Variants in SLC8A1 observed in about 807,000 individuals in gnomAD.
SLC8A1 encodes the protein sodium/calcium exchanger 1.
Under a neutral mutation model 68.3 loss-of-function variants are expected in SLC8A1, and 18 were observed. The observed-to-expected ratio is 0.26, with a 90% CI of 0.18 to 0.39. SLC8A1 has a LOEUF of 0.39. Among genes scored for constraint, SLC8A1 ranks in the 10% least tolerant of loss-of-function variants. The pLI is 1.00. For missense variants in SLC8A1, 985 were observed against 1,156.7 expected (o/e 0.85, Z 2.15); for synonymous variants, 475 against 415.5 (o/e 1.14, Z -1.74).
chr2:40,118,737 T>C (rs1385158664), intron 7 of SLC8A1, among the ~76,000 whole-genome samples: 5 of 150,754 alleles, frequency 3.3e-5, no homozygotes, highest in Non-Finnish European at 7.4e-5. Context: ...TGAGATGTTA[T>C]TCTAAGCTGA....
chr2:40,411,200 A>T (rs1021334808), intron 2 of SLC8A1, among the ~76,000 whole-genome samples: 1 of 152,098 alleles, frequency 6.6e-6, no homozygotes. Context: ...TTGAACACTA[A>T]TAGTTACTAT....
rs1687194303 is a variant in SLC8A1 at position 40,396,992 on chromosome 2, GA to G, written c.1808+31480del. ...TAAATCTGCAATTTCCATGGCCCTG[GA>G]AAAGTAATGTCTAAATATTGCTTAA... On this transcript the variant is annotated intron_variant, in intron 2 of 7. Transcript: ENST00000406785. 3.3e-5 allele frequency among the ~76,000 whole-genome samples: 5 copies of G among 152,090 alleles called. No individual in the cohort carries two copies. The South Asian group carries it at 1.0e-3, about 32-fold the overall frequency.
Position 40,270,508 on chromosome 2 carries a change from T to A in SLC8A1, c.1809-92653A>T, listed in dbSNP as rs141757724. Among the ~76,000 whole-genome samples, 20 of 152,328 alleles carry A rather than the reference T, an allele frequency of 1.3e-4. 2 individuals are homozygous for A. In the East Asian group the frequency reaches 3.9e-3, roughly 29 times the overall value. On this transcript the variant is annotated intron_variant, in intron 2 of 7. Coordinates refer to ENST00000406785, the Ensembl canonical transcript of SLC8A1. ...ACAGATCACCTGCATTCCCTGGCCT[T>A]TGGCCCTTTCCTCTATCTTCACAGT...
At chr2:40,293,844 C>CAA (rs139640404) in intron 2 of SLC8A1, among the ~76,000 whole-genome samples, 1 of 151,438 alleles carries the variant, frequency 6.6e-6, no homozygotes, top group African/African-American at 2.4e-5. Context: ...TCATAAAAAA[C>CAA]AAAAAAAATC....
At chr2:40,165,866 C>T (rs922851424) in intron 4 of SLC8A1, among the ~76,000 whole-genome samples, 38 of 152,146 alleles carry the variant, frequency 2.5e-4, no homozygotes, top group Non-Finnish European at 4.4e-4. Context: ...AAAGGCCATG[C>T]ATATAAGAAG....
intron 2 of SLC8A1, among the ~76,000 whole-genome samples, chr2:40,409,899 G>A (rs1329217919): frequency 6.6e-6 from 1 of 152,022 alleles, no homozygotes; most frequent in South Asian, 2.1e-4. Flanking sequence ...CTTATCAGTG[G>A]TGCTACTGCA....
chr2:40,435,441 C>T (rs1434379049), intron 1 of SLC8A1, among the ~76,000 whole-genome samples: 2 of 152,088 alleles, frequency 1.3e-5, no homozygotes, highest in Non-Finnish European at 2.9e-5. Context: ...ACACAGAGAC[C>T]CTCTACTAAT....
At chr2:40,170,996 C>T (rs1229670999) in intron 4 of SLC8A1, among the ~76,000 whole-genome samples, 1 of 152,102 alleles carries the variant, frequency 6.6e-6, no homozygotes, top group Non-Finnish European at 1.5e-5. Flanking sequence ...TAACCTAGGC[C>T]TAGGGGGTTC....
chr2:40,219,516 G>A (rs1298246183), intron 2 of SLC8A1, among the ~76,000 whole-genome samples: 1 of 152,064 alleles, frequency 6.6e-6, no homozygotes. Context: ...AGAATTTCAG[G>A]GCAAGAGAAA....
At chr2:40,109,963 A>C (rs1340947824) in exon 8 of SLC8A1, 1 of 152,210 alleles carries the variant, frequency 6.6e-6, no homozygotes, top group African/African-American at 2.4e-5. Context: ...CCTAAAAGTA[A>C]AACAAAATAA....
At chr2:40,222,139 CA>C (rs1280524034) in intron 2 of SLC8A1, among the ~76,000 whole-genome samples, 3 of 152,108 alleles carry the variant, frequency 2.0e-5, no homozygotes, top group South Asian at 2.1e-4. Context: ...GCTACAGTAA[CA>C]AAAACAGCAT....
At chr2:40,097,992 T>A (rs979343699) in exon 8 of SLC8A1, 1 of 85,832 alleles carries the variant, frequency 1.2e-5, no homozygotes, top group Non-Finnish European at 2.1e-5. Context: ...AAATATTATG[T>A]TTTTTTTTAA....
intron 7 of SLC8A1, among the ~76,000 whole-genome samples, chr2:40,134,828 A>G (rs2040173836): frequency 6.6e-6 from 1 of 152,232 alleles, no homozygotes; most frequent in Admixed American, 6.5e-5. Context: ...GCACCATTCT[A>G]GGCACTAGAT....
At chr2:40,385,700 T>A (rs1293543541) in intron 2 of SLC8A1, among the ~76,000 whole-genome samples, 3 of 151,366 alleles carry the variant, frequency 2.0e-5, no homozygotes, top group Non-Finnish European at 4.4e-5. Flanking sequence ...TTTGCTAAAG[T>A]GTACTAAAAA....
chr2:40,101,286 T>C (rs569383834), exon 8 of SLC8A1: 1 of 152,168 alleles, frequency 6.6e-6, no homozygotes, highest in African/African-American at 2.4e-5. Flanking sequence ...ATTCTAAAAC[T>C]AAAACTCACT....
intron 2 of SLC8A1, among the ~76,000 whole-genome samples, chr2:40,272,205 T>C (rs950675637): frequency 3.9e-5 from 6 of 152,164 alleles, no homozygotes; most frequent in Non-Finnish European, 8.8e-5. Context: ...ATCTCATGTC[T>C]CTCCTTTGTT....
intron 2 of SLC8A1, among the ~76,000 whole-genome samples, chr2:40,280,296 G>C (rs1187218229): frequency 1.6e-5 from 2 of 122,658 alleles, no homozygotes; most frequent in East Asian, 2.3e-4. Context: ...TTCCTTAAAA[G>C]TCCTGAAATT....
intron 6 of SLC8A1, among the ~76,000 whole-genome samples, chr2:40,155,059 C>T (rs907212763): frequency 6.6e-5 from 10 of 152,066 alleles, no homozygotes; most frequent in African/African-American, 2.4e-4. Flanking sequence ...ATTGGTAACA[C>T]CCTCCTCCTT....
intron 2 of SLC8A1, among the ~76,000 whole-genome samples, chr2:40,238,216 T>C (rs1364014939): frequency 6.6e-6 from 1 of 152,116 alleles, no homozygotes; most frequent in African/African-American, 2.4e-5. Flanking sequence ...CGCTGCCGCC[T>C]TGCAGTTTGA....
Sources: gnomAD v4.1 joint callset for allele counts (sites outside exome capture counted in the v4.1 genomes callset) on GRCh38, gnomAD v4.1.1 for gene constraint, MANE v1.5 for transcripts, NCBI Gene and HGNC (gene_info 2026-07-23, HGNC 2026-07-21) for gene names.